The following AGPS variants were observed in gnomAD, a reference collection of about 807,000 sequenced individuals.
The protein encoded by AGPS is alkylglycerone phosphate synthase.
A neutral mutation model predicts 90.7 loss-of-function variants in AGPS; 26 were observed. The ratio of observed to expected loss-of-function variants is 0.29; its 90% confidence interval spans 0.21 to 0.40. AGPS has a LOEUF of 0.40. AGPS is among the 10% of genes least tolerant of loss of function. AGPS has a pLI of 1.00. For missense variants in AGPS, 540 were observed against 816.1 expected, an observed-to-expected ratio of 0.66 and a Z score of 4.12; for synonymous variants, 294 against 285.3, an observed-to-expected ratio of 1.03 and a Z score of -0.31.
At chr2:177,414,765 G>A (rs542170646) in intron 1 of AGPS, among the ~76,000 whole-genome samples, 2 of 152,130 alleles carry the variant, frequency 1.3e-5, no homozygotes, top group South Asian at 2.1e-4. Context: ...GCTGAGCAGC[G>A]TATTTGCCTC....
chr2:177,421,821 G>A (rs9288001), intron 2 of AGPS, among the ~76,000 whole-genome samples: 132,947 of 152,184 alleles, frequency 0.87, 58,204 homozygotes, highest in East Asian at 0.98. Flanking sequence ...TTAGAAAACC[G>A]AATTTCTCTC....
At chr2:177,454,025 T>C (rs1687038555) in intron 8 of AGPS, among the ~76,000 whole-genome samples, 1 of 147,014 alleles carries the variant, frequency 6.8e-6, no homozygotes, top group African/African-American at 2.5e-5. Context: ...TTATCACTGG[T>C]TTGAGCAATT....
chr2:177,478,687 C>A (rs966820550), intron 10 of AGPS, among the ~76,000 whole-genome samples: 3 of 152,014 alleles, frequency 2.0e-5, no homozygotes, highest in African/African-American at 7.2e-5. Flanking sequence ...CTATTTGATT[C>A]TTCTTAATAG....
chr2:177,485,228 C>T (rs1414107542), intron 11 of AGPS, among the ~76,000 whole-genome samples: 1 of 152,176 alleles, frequency 6.6e-6, no homozygotes, highest in Non-Finnish European at 1.5e-5. Flanking sequence ...TTAGTACACT[C>T]ATAAAGCTTT....
chr2:177,522,457 A>G (rs901219068), intron 18 of AGPS, among the ~76,000 whole-genome samples: 1 of 152,022 alleles, frequency 6.6e-6, no homozygotes, highest in African/African-American at 2.4e-5. Context: ...CTAAGTAATG[A>G]GGGTTTTTTG....
chr2:177,415,182 A>G (rs1187239707), intron 1 of AGPS, among the ~76,000 whole-genome samples: 1 of 152,094 alleles, frequency 6.6e-6, no homozygotes, highest in African/African-American at 2.4e-5. Flanking sequence ...CATGGAATGC[A>G]TTTTCCACAT....
At chr2:177,469,750 T>C (rs912957839) in intron 10 of AGPS, among the ~76,000 whole-genome samples, 8 of 152,232 alleles carry the variant, frequency 5.3e-5, no homozygotes, top group Admixed American at 3.3e-4. Flanking sequence ...TTAAAACTCA[T>C]AATTTTTCAT....
At chr2:177,484,597 C>T (rs992685874) in intron 11 of AGPS, among the ~76,000 whole-genome samples, 1 of 152,010 alleles carries the variant, frequency 6.6e-6, no homozygotes, top group Non-Finnish European at 1.5e-5. Context: ...CCGCCCGCCC[C>T]GGCCTCCCAA....
chr2:177,538,350 T>C lies in AGPS; in HGVS notation c.*155T>C, dbSNP rs1269154678. The C allele has an allele frequency of 2.5e-6, 2 of 789,860 alleles. No homozygotes were observed. The highest frequency in any genetic ancestry group is 2.6e-5 in the Admixed American group (1 of 37,958). The allele number at this position is 789,860 out of a possible 1,614,324, so 48.9% of individuals were successfully genotyped here. A position where few individuals can be genotyped will look rare whatever the true frequency, so the allele number is the denominator to read the frequency against. On this transcript the variant is annotated 3_prime_UTR_variant, in exon 20 of 20. Coordinates refer to ENST00000264167, the MANE Select transcript of AGPS (RefSeq NM_003659.4). ...TTTTCATTCTGTAGTTTGTTTTGTT[T>C]CTACATCTATGGATTGACAGATAGT...
chr2:177,466,910 C>T (rs2105673361), intron 9 of AGPS, among the ~76,000 whole-genome samples: 1 of 152,292 alleles, frequency 6.6e-6, no homozygotes, highest in Middle Eastern at 3.4e-3. Flanking sequence ...CTGCGTGCTT[C>T]CGGCCCCCAA....
At chr2:177,488,805 C>T (rs1688168895) in intron 11 of AGPS, among the ~76,000 whole-genome samples, 1 of 152,154 alleles carries the variant, frequency 6.6e-6, no homozygotes, top group Non-Finnish European at 1.5e-5. Flanking sequence ...CAAATGTTTT[C>T]AATCAAGTAT....
intron 2 of AGPS, among the ~76,000 whole-genome samples, chr2:177,421,895 A>G (rs1377052641): frequency 1.3e-5 from 2 of 152,088 alleles, no homozygotes; most frequent in Non-Finnish European, 2.9e-5. Flanking sequence ...GAAGGTATAC[A>G]GTATTTCTGT....
chr2:177,442,155 C>A (rs1355012539), intron 6 of AGPS, among the ~76,000 whole-genome samples: 1 of 152,100 alleles, frequency 6.6e-6, no homozygotes, highest in African/African-American at 2.4e-5. Flanking sequence ...TTGAGTGTGG[C>A]ATTTCCAGGG....
chr2:177,417,346 T>C (rs2105605805), intron 1 of AGPS, among the ~76,000 whole-genome samples: 1 of 152,358 alleles, frequency 6.6e-6, no homozygotes, highest in Admixed American at 6.5e-5. Context: ...ATAAATTTTA[T>C]GTTTAGACTT....
chr2:177,505,762 T>TG (rs1238635438), intron 15 of AGPS, among the ~76,000 whole-genome samples, 187 bp downstream of exon 15: 3 of 151,940 alleles, frequency 2.0e-5, no homozygotes, highest in Non-Finnish European at 3.0e-5. Flanking sequence ...CTTCTCCATA[T>TG]GCTCTTGAAG....
intron 11 of AGPS, among the ~76,000 whole-genome samples, chr2:177,490,320 T>C (rs1029680998): frequency 7.9e-5 from 12 of 152,172 alleles, no homozygotes; most frequent in African/African-American, 2.9e-4. Flanking sequence ...CTAGATGCTA[T>C]TTTTGAGTGC....
chr2:177,425,394 G>A (rs551822523), intron 2 of AGPS, among the ~76,000 whole-genome samples: 2 of 152,178 alleles, frequency 1.3e-5, no homozygotes, highest in African/African-American at 4.8e-5. Context: ...GCTGAGGCGG[G>A]TGGATCACCT....
At chr2:177,527,936 G>T (rs2079104674) in intron 19 of AGPS, among the ~76,000 whole-genome samples, 1 of 152,088 alleles carries the variant, frequency 6.6e-6, no homozygotes, top group Non-Finnish European at 1.5e-5. Flanking sequence ...GAAATACCTG[G>T]TTTTCTCTAG....
intron 1 of AGPS, among the ~76,000 whole-genome samples, chr2:177,410,976 G>A (rs183799355): frequency 7.0e-4 from 106 of 152,208 alleles, no homozygotes; most frequent in Admixed American, 2.0e-3. Flanking sequence ...CTTGTAGGCC[G>A]CACTGGAAGC....
Sources: allele counts gnomAD v4.1 joint callset (sites outside exome capture counted in the v4.1 genomes callset), GRCh38; gene constraint gnomAD v4.1.1; transcripts MANE v1.5; gene names NCBI Gene and HGNC (gene_info 2026-07-23, HGNC 2026-07-21).